SLC22A24: variants seen among roughly 807,000 people sequenced by gnomAD.
The protein encoded by SLC22A24 is steroid transmembrane transporter SLC22A24.
SLC22A24 carries 53 observed loss-of-function variants against 49.8 expected under a neutral mutation model. The observed-to-expected ratio is 1.06, with a 90% CI of 0.85 to 1.34. The LOEUF (loss-of-function observed/expected upper bound fraction) is 1.34. SLC22A24 is among the 40% of genes most tolerant of loss of function. The pLI is 0.00. For missense variants in SLC22A24, 786 were observed against 675.9 expected (o/e 1.16, Z -1.81); for synonymous variants, 302 against 256.4 (o/e 1.18, Z -1.70).
At position 63,091,032 on chromosome 11, in the gene SLC22A24, G is replaced by T. The variant is rs369555539; in HGVS notation, c.1070+4959C>A. Among the ~76,000 whole-genome samples, 22 of 152,048 alleles carry T rather than the reference G, an allele frequency of 1.4e-4. No individual in the cohort carries two copies. The East Asian group carries it at 2.7e-3, about 19-fold the overall frequency. ...AAAAGATTAACAAAATAGATGGACC[G>T]CTAGCTAGACTAATAAAGAAGAAAA... On this transcript the variant is annotated intron_variant, in intron 6 of 9. Transcript: ENST00000612278.
At chr11:63,089,616 C>A (rs1476254327) in intron 6 of SLC22A24, among the ~76,000 whole-genome samples, 1 of 152,020 alleles carries the variant, frequency 6.6e-6, no homozygotes, top group Non-Finnish European at 1.5e-5. Context: ...TTAAAAGACA[C>A]AGAATGACAA....
intron 2 of SLC22A24, among the ~76,000 whole-genome samples, chr11:63,133,643 T>C (rs1313939173): frequency 3.3e-5 from 5 of 152,120 alleles, no homozygotes; most frequent in Non-Finnish European, 7.4e-5. Flanking sequence ...TCTTTTTTTT[T>C]CTTTTTTCTT....
chr11:63,089,770 C>G (rs1274161407), intron 6 of SLC22A24, among the ~76,000 whole-genome samples: 1 of 151,922 alleles, frequency 6.6e-6, no homozygotes, highest in Non-Finnish European at 1.5e-5. Flanking sequence ...AGACTTTAAG[C>G]CAACGAAGAT....
At chr11:63,109,686 A>T (rs1196590732) in intron 4 of SLC22A24, among the ~76,000 whole-genome samples, 33 of 151,618 alleles carry the variant, frequency 2.2e-4, no homozygotes, top group Non-Finnish European at 1.0e-4. Context: ...CCACTTTTTG[A>T]TGGGGTTGTT....
chr11:63,133,453 C>G (rs1475812544), intron 2 of SLC22A24, among the ~76,000 whole-genome samples: 1 of 152,034 alleles, frequency 6.6e-6, no homozygotes, highest in Non-Finnish European at 1.5e-5. Context: ...TGGAAGTGAT[C>G]CCAGGTCACA....
At chr11:63,131,158 C>G (rs2087332285) in intron 2 of SLC22A24, among the ~76,000 whole-genome samples, 1 of 152,038 alleles carries the variant, frequency 6.6e-6, no homozygotes, top group Non-Finnish European at 1.5e-5. Flanking sequence ...TATTTTGAGC[C>G]TATACACGTC....
At chr11:63,081,362 T>G (rs1276351813) in intron 8 of SLC22A24, among the ~76,000 whole-genome samples, 196 bp downstream of exon 8, 1 of 152,212 alleles carries the variant, frequency 6.6e-6, no homozygotes. Flanking sequence ...CCCATAGCAT[T>G]AATTAACCTG....
intron 4 of SLC22A24, among the ~76,000 whole-genome samples, chr11:63,106,153 T>C (rs2087120422): frequency 6.9e-6 from 1 of 145,240 alleles, no homozygotes; most frequent in Admixed American, 7.2e-5. Flanking sequence ...CATTGTTCAA[T>C]TCCCACCTAT....
chr11:63,094,888 G>C (rs2134643980), intron 6 of SLC22A24, among the ~76,000 whole-genome samples: 1 of 152,230 alleles, frequency 6.6e-6, no homozygotes, highest in African/African-American at 2.4e-5. Context: ...TTAGCCCTTT[G>C]TCAGATGAGT....
chr11:63,105,245 C>T (rs917026956), intron 4 of SLC22A24, among the ~76,000 whole-genome samples: 5 of 152,150 alleles, frequency 3.3e-5, no homozygotes, highest in African/African-American at 1.2e-4. Context: ...CTTTTCCAGG[C>T]AAATGGTGCA....
chr11:63,143,102 T>C (rs1362909306), intron 1 of SLC22A24, among the ~76,000 whole-genome samples: 1 of 152,200 alleles, frequency 6.6e-6, no homozygotes, highest in Admixed American at 6.5e-5. Context: ...ATGGTTCCTA[T>C]TTTGATTAAT....
chr11:63,104,413 G>T, intron 4 of SLC22A24, 115 bp from the exon 5 acceptor site: 1 of 1,218,130 alleles, frequency 8.2e-7, no homozygotes, highest in Admixed American at 2.8e-5. Context: ...TTATAGTAGA[G>T]TCATTTCTGA....
At chr11:63,101,966 A>G (rs948231463) in intron 5 of SLC22A24, among the ~76,000 whole-genome samples, 7 of 152,074 alleles carry the variant, frequency 4.6e-5, no homozygotes, top group Admixed American at 1.3e-4. Context: ...AGGGGGAATA[A>G]GGTTGGTTAG....
intron 7 of SLC22A24, 143 bp from the exon 8 acceptor site, chr11:63,081,809 G>T (rs938918393): frequency 3.1e-6 from 2 of 651,292 alleles, no homozygotes; most frequent in South Asian, 1.8e-5. Context: ...ATTGGGGAAT[G>T]GTTGCGAGGC....
At chr11:63,085,509 C>T (rs953552855) in intron 6 of SLC22A24, among the ~76,000 whole-genome samples, 1 of 152,088 alleles carries the variant, frequency 6.6e-6, no homozygotes, top group Non-Finnish European at 1.5e-5. Context: ...TTGTAATTTG[C>T]TTTGACAGCA....
chr11:63,134,031 C>A (rs1007418280), intron 2 of SLC22A24, among the ~76,000 whole-genome samples: 1 of 152,058 alleles, frequency 6.6e-6, no homozygotes, highest in Non-Finnish European at 1.5e-5. Context: ...TTTGTATAAC[C>A]CTTATGTGGT....
Position 63,099,728 on chromosome 11 carries a change from G to A in SLC22A24, c.955-3622C>T, listed in dbSNP as rs527804996. Among the ~76,000 whole-genome samples the A allele has an allele frequency of 2.4e-4, 37 of 151,914 alleles. No homozygotes were observed. The South Asian group carries it at 5.6e-3, about 23-fold the overall frequency. On this transcript the variant is annotated intron_variant, in intron 5 of 9. Coordinates refer to ENST00000612278, the MANE Select transcript of SLC22A24 (RefSeq NM_001136506.2). ...ACACGTGAAGAAGACTGTTTTTCAC[G>A]GCCAGGCAGAATTTATGACCAGGAA... is the stretch of plus-strand genomic sequence containing the variant.
intron 4 of SLC22A24, among the ~76,000 whole-genome samples, chr11:63,105,542 C>T (rs990443476): frequency 6.6e-6 from 1 of 152,204 alleles, no homozygotes; most frequent in African/African-American, 2.4e-5. Context: ...GCTGCCAAGG[C>T]TTGGGGCTTG....
intron 6 of SLC22A24, 96 bp from the exon 7 acceptor site, chr11:63,083,553 T>A: frequency 2.0e-6 from 2 of 999,540 alleles, no homozygotes; most frequent in Non-Finnish European, 2.9e-6. Flanking sequence ...CAAATGATTA[T>A]AATATTGACC....
Sources: allele counts gnomAD v4.1 joint callset (sites outside exome capture counted in the v4.1 genomes callset), GRCh38; gene constraint gnomAD v4.1.1; transcripts MANE v1.5; gene names NCBI Gene and HGNC (gene_info 2026-07-23, HGNC 2026-07-21).